The following DLGAP3 variants were observed in gnomAD, a reference collection of about 807,000 sequenced individuals.
The protein encoded by DLGAP3 is disks large-associated protein 3.
DLGAP3 carries 17 observed loss-of-function variants against 81.2 expected under a neutral mutation model. That is an observed-to-expected ratio of 0.21 (90% confidence interval 0.14 to 0.31). The LOEUF (loss-of-function observed/expected upper bound fraction) is 0.31. DLGAP3 is among the 10% of genes least tolerant of loss of function. The pLI is 1.00. For synonymous variants in DLGAP3, 577 were observed against 587.4 expected, an observed-to-expected ratio of 0.98 and a Z score of 0.26; for missense variants, 1,124 against 1,388.0, an observed-to-expected ratio of 0.81 and a Z score of 3.02.
chr1:34,906,320 C>T (rs549854019), intron 2 of DLGAP3, among the ~76,000 whole-genome samples: 2 of 152,044 alleles, frequency 1.3e-5, no homozygotes, highest in South Asian at 4.2e-4. Context: ...CACATCTCTA[C>T]TCCAACCCTG....
At chr1:34,871,698 C>A (rs1638982849) in intron 8 of DLGAP3, among the ~76,000 whole-genome samples, 1 of 152,202 alleles carries the variant, frequency 6.6e-6, no homozygotes, top group African/African-American at 2.4e-5. Context: ...TTCCTGTCGC[C>A]CCTGCTAAAC....
At chr1:34,905,807 C>T (rs1033873662) in intron 2 of DLGAP3, among the ~76,000 whole-genome samples, 2 of 151,670 alleles carry the variant, frequency 1.3e-5, no homozygotes, top group Admixed American at 6.6e-5. Context: ...AGTTCGAGAT[C>T]AACCTGGGCA....
intron 5 of DLGAP3, among the ~76,000 whole-genome samples, chr1:34,891,246 C>T (rs1227282534): frequency 6.6e-6 from 1 of 152,210 alleles, no homozygotes; most frequent in Non-Finnish European, 1.5e-5. Flanking sequence ...GCTCCCAATG[C>T]TATCAGTTGC....
At chr1:34,905,646 A>C (rs1639539631) in intron 2 of DLGAP3, among the ~76,000 whole-genome samples, 1 of 152,136 alleles carries the variant, frequency 6.6e-6, no homozygotes, top group South Asian at 2.1e-4. Flanking sequence ...TCATTCAATG[A>C]ATACTGCAAA....
rs1025700190 is a variant in DLGAP3 at position 34,905,256 on chromosome 1, G to A, written c.128C>T (p.Thr43Ile). Residue 43 changes from threonine to isoleucine, a missense_variant, in exon 3 of 12, where the codon ACC becomes ATC. Physicochemically the swap from Thr to Ile is moderately conservative, Grantham distance 89. Around this residue, in one of 9 missense-constraint regions of DLGAP3, gnomAD observed 167 missense variants for 172.1 expected, o/e 0.97. Coordinates refer to ENST00000373347, the MANE Select transcript of DLGAP3 (RefSeq NM_001080418.3). ...YLLGSREAFS[T>I]EPRFCAPRAG... ...TCTCGGGGCACAGAAGCGGGGCTCGGTGGAGAAGGCCTCCCTGGAGCCCAG... is the reference window on the plus strand; with the variant it reads ...TCTCGGGGCACAGAAGCGGGGCTCGATGGAGAAGGCCTCCCTGGAGCCCAG... 4 of 1,591,608 alleles carry A rather than the reference G, an allele frequency of 2.5e-6. No individual in the cohort carries two copies. In the African/African-American group the frequency reaches 4.0e-5, roughly 16 times the overall value.
intron 1 of DLGAP3, among the ~76,000 whole-genome samples, chr1:34,927,454 A>G (rs1049518514): frequency 6.6e-6 from 1 of 152,140 alleles, no homozygotes; most frequent in Non-Finnish European, 1.5e-5. Flanking sequence ...CCATCATTCT[A>G]CAGCTACATA....
rs116028035 is a variant in DLGAP3 at position 34,870,470 on chromosome 1, A to T, written c.2001-1381T>A. 6.7e-3 allele frequency among the ~76,000 whole-genome samples: 1,023 copies of T among 152,016 alleles called. 14 individuals are homozygous for T. Among genetic ancestry groups the T allele is most frequent in the African/African-American group, 0.024 (981 of 41,458 alleles). ...CCAAGAGACTCTCCCAACCCCCGCA[A>T]CTTCAGCCTTTCTCTTGCTGCCCAG... On this transcript the variant is annotated intron_variant, in intron 8 of 11. Transcript: ENST00000373347.
intron 8 of DLGAP3, among the ~76,000 whole-genome samples, chr1:34,882,499 A>T (rs567928531): frequency 5.3e-5 from 8 of 152,314 alleles, no homozygotes; most frequent in South Asian, 4.1e-4. Flanking sequence ...AAATTAAAAT[A>T]AAAATAAATA....
chr1:34,875,275 CCA>C (rs1253248308), intron 8 of DLGAP3, among the ~76,000 whole-genome samples: 1 of 152,174 alleles, frequency 6.6e-6, no homozygotes, highest in African/African-American at 2.4e-5. Flanking sequence ...AGGTCTTCCT[CCA>C]CAGAGTTCTC....
chr1:34,894,384 G>T (rs1639355620), intron 5 of DLGAP3, among the ~76,000 whole-genome samples: 1 of 151,598 alleles, frequency 6.6e-6, no homozygotes, highest in Non-Finnish European at 1.5e-5. Flanking sequence ...TACCATGAGA[G>T]AATTTTCCAG....
chr1:34,879,107 G>C (rs927127107), intron 8 of DLGAP3, among the ~76,000 whole-genome samples: 4 of 151,454 alleles, frequency 2.6e-5, no homozygotes, highest in Non-Finnish European at 4.4e-5. Flanking sequence ...CAGAAGCTGC[G>C]GGGGGGCATA....
Position 34,928,694 on chromosome 1 carries a change from ACT to A in DLGAP3, c.-135+755_-135+756del, listed in dbSNP as rs148258610. Among the ~76,000 whole-genome samples, 1,365 of 151,508 alleles carry A rather than the reference ACT, an allele frequency of 9.0e-3. 21 individuals are homozygous for A. The highest frequency in any genetic ancestry group is 0.031 in the African/African-American group (1,295 of 41,234). On this transcript the variant is annotated intron_variant, in intron 1 of 11. Coordinates refer to ENST00000373347, the MANE Select transcript of DLGAP3 (RefSeq NM_001080418.3). ...TTCAGAGTGAACCGCGCTCAGATAC[ACT>A]CTCTCTCACACAGCCAACGCACGCG...
chr1:34,894,941 A>G (rs1035859291), intron 5 of DLGAP3, among the ~76,000 whole-genome samples: 2 of 152,240 alleles, frequency 1.3e-5, no homozygotes, highest in Non-Finnish European at 2.9e-5. Context: ...TCCTAAGATC[A>G]CTTAAGTATT....
chr1:34,919,807 G>A (rs1639771089), intron 1 of DLGAP3, among the ~76,000 whole-genome samples: 1 of 148,602 alleles, frequency 6.7e-6, no homozygotes, highest in Non-Finnish European at 1.5e-5. Flanking sequence ...AAGAACAAAA[G>A]TTGAGACACT....
At position 34,900,353 on chromosome 1, in the gene DLGAP3, G is replaced by T; in HGVS notation, c.1108-80C>A. 1 of 1,451,668 alleles carries T rather than the reference G, an allele frequency of 6.9e-7. No individual in the cohort carries two copies. The highest frequency in any genetic ancestry group is 2.3e-5 in the East Asian group (1 of 44,168). The allele number at this position is 1,451,668 out of a possible 1,614,324, so 89.9% of individuals were successfully genotyped here. A position where few individuals can be genotyped will look rare whatever the true frequency, so the allele number is the denominator to read the frequency against. On this transcript the variant is annotated intron_variant, in intron 3 of 11. Transcript: ENST00000373347. The surrounding 1 kb of genome is among the most constrained non-coding windows in gnomAD (Gnocchi z 5.6). Reference sequence around the variant, plus strand: ...CAGGACTCTTTCCCCACTGCCAGTGGGAGATGCCCTGCCCTGGCTTGAACA... The same window carrying T: ...CAGGACTCTTTCCCCACTGCCAGTGTGAGATGCCCTGCCCTGGCTTGAACA...
rs1569588167 is a variant in DLGAP3 at position 34,867,187 on chromosome 1, G to C, written c.2582C>G (p.Pro861Arg). The C allele has an allele frequency of 2.5e-6, 4 of 1,614,140 alleles. No individual in the cohort carries two copies. Among genetic ancestry groups the C allele is most frequent in the African/African-American group, 1.3e-5 (1 of 75,050 alleles). Residue 861 changes from proline to arginine, a missense_variant, in exon 11 of 12, where the codon CCC becomes CGC. This residue lies in a region of DLGAP3 where 133 missense variants were observed against 171.1 expected (regional missense o/e 0.78). Transcript: ENST00000373347. This position sits in a 1 kb window ranked among gnomAD's most constrained non-coding sequence, Gnocchi z 4.3. ...GAAGGTGGGCACAGGGAACGCAGTG[G>C]GATCCTGCAACAGAGGAAGATGGAG... ...FFRLCQQSMDPTAFPVPTFQD... is the reference protein window; with the variant it reads ...FFRLCQQSMDRTAFPVPTFQD...
chr1:34,866,411 G>A lies in DLGAP3; in HGVS notation c.2722-110C>T, dbSNP rs908941995. ...TGCTGACGACCGCGTGGCTCCGAAC[G>A]CGATGGCGCTCAGAATCCGCCACGG... On this transcript the variant is annotated intron_variant, in intron 11 of 11. Coordinates refer to ENST00000373347, the MANE Select transcript of DLGAP3 (RefSeq NM_001080418.3). 15 of 882,508 alleles carry A rather than the reference G, an allele frequency of 1.7e-5. No homozygotes were observed. In the African/African-American group the frequency reaches 2.6e-4, roughly 15 times the overall value. The allele number at this position is 882,508 out of a possible 1,614,324, so 54.7% of individuals were successfully genotyped here. A position where few individuals can be genotyped will look rare whatever the true frequency, so the allele number is the denominator to read the frequency against.
intron 5 of DLGAP3, among the ~76,000 whole-genome samples, chr1:34,897,576 T>C (rs911556010): frequency 6.6e-6 from 1 of 152,128 alleles, no homozygotes; most frequent in African/African-American, 2.4e-5. Context: ...CACCAGGTCA[T>C]GCAGGCCTCG....
intron 2 of DLGAP3, among the ~76,000 whole-genome samples, chr1:34,906,675 G>T (rs753707201): frequency 2.6e-5 from 4 of 152,116 alleles, no homozygotes; most frequent in Non-Finnish European, 5.9e-5. Context: ...AAGAACAGCG[G>T]CTACACACAG....
Sources: allele counts gnomAD v4.1 joint callset (sites outside exome capture counted in the v4.1 genomes callset), GRCh38; gene constraint gnomAD v4.1.1; regional missense constraint gnomAD v4.1.1; non-coding constraint Gnocchi (gnomAD v3.1); transcripts MANE v1.5; gene names NCBI Gene and HGNC (gene_info 2026-07-23, HGNC 2026-07-21).